SIK2: variants seen among roughly 807,000 people sequenced by gnomAD.
SIK2 encodes serine/threonine-protein kinase SIK2.
In SIK2, 29 loss-of-function variants were observed where a neutral mutation model predicts 103.2. That is an observed-to-expected ratio of 0.28 (90% CI 0.21 to 0.38). SIK2 has a LOEUF of 0.38. Among genes scored for constraint, SIK2 ranks in the 10% least tolerant of loss-of-function variants. The probability of loss-of-function intolerance (pLI) is 1.00; values close to 1 mark genes in which losing one functional copy is unlikely to be tolerated. For missense variants in SIK2, 879 were observed against 1,171.0 expected (o/e 0.75, Z 3.64); for synonymous variants, 412 against 446.1 (o/e 0.92, Z 0.96).
At position 111,723,509 on chromosome 11, in the gene SIK2, C is replaced by A. The variant is rs1565398658; in HGVS notation, c.2161C>A (p.Arg721=). The change falls in exon 15 of 15, where the codon CGA becomes AGA. Residue 721 remains arginine, a synonymous_variant. Transcript: ENST00000304987. ...TTACCAATTTAGGCTCCAGCAGAAGCGACTCTTTCTTCAGAAGCAGTCTCA... is the reference window on the plus strand; with the variant it reads ...TTACCAATTTAGGCTCCAGCAGAAGAGACTCTTTCTTCAGAAGCAGTCTCA... ...QLQEHRLQQK[R]LFLQKQSQLQ... The A allele has an allele frequency of 7.5e-6, 12 of 1,600,674 alleles. No homozygotes were observed. Among genetic ancestry groups the A allele is most frequent in the Non-Finnish European group, 1.0e-5 (12 of 1,171,478 alleles).
chr11:111,640,795 C>T (rs375111251), intron 3 of SIK2, among the ~76,000 whole-genome samples: 12 of 120,462 alleles, frequency 1.0e-4, no homozygotes, highest in African/African-American at 3.1e-4. Flanking sequence ...AGTGCAGTGG[C>T]GCGATCTCAG....
rs1490244048 is a variant in SIK2, at chr11:111,728,015, T to C, written c.*3886T>C. 7 of 152,246 alleles carry C rather than the reference T, an allele frequency of 4.6e-5. No homozygotes were observed. The highest frequency in any genetic ancestry group is 1.7e-4 in the African/African-American group (7 of 41,454). 9.4% of individuals were successfully genotyped at this position (152,246 alleles called of 1,614,324 possible). A position where few individuals can be genotyped will look rare whatever the true frequency, so the allele number is the denominator to read the frequency against. Reference sequence around the variant, plus strand: ...GAAAATTCATACTCCAGGTAACTTTTTCCCATTCGACCTCCTATAGAGACA... The same window carrying C: ...GAAAATTCATACTCCAGGTAACTTTCTCCCATTCGACCTCCTATAGAGACA... On this transcript the variant is annotated 3_prime_UTR_variant, in exon 15 of 15. Transcript: ENST00000304987.
chr11:111,641,873 A>G (rs915215555), intron 3 of SIK2, among the ~76,000 whole-genome samples: 1 of 152,156 alleles, frequency 6.6e-6, no homozygotes, highest in Non-Finnish European at 1.5e-5. Flanking sequence ...CCATTATTTA[A>G]CTGTGTGCAT....
At chr11:111,652,839 T>G (rs1321496878) in intron 3 of SIK2, among the ~76,000 whole-genome samples, 2 of 152,182 alleles carry the variant, frequency 1.3e-5, no homozygotes, top group East Asian at 3.8e-4. Flanking sequence ...AGTGACACAG[T>G]TAATAATTAG....
At chr11:111,654,186 G>C (rs1166831278) in intron 3 of SIK2, among the ~76,000 whole-genome samples, 2 of 152,138 alleles carry the variant, frequency 1.3e-5, no homozygotes, top group East Asian at 3.8e-4. Context: ...CAAAATAAGT[G>C]CATCTGAAGG....
intron 9 of SIK2, among the ~76,000 whole-genome samples, chr11:111,717,861 T>A (rs901690158): frequency 2.6e-5 from 4 of 152,050 alleles, no homozygotes; most frequent in African/African-American, 9.7e-5. Context: ...TGTTCTCACG[T>A]ATAAGTAGGA....
intron 3 of SIK2, among the ~76,000 whole-genome samples, chr11:111,654,280 T>TA (rs1382326284): frequency 5.9e-5 from 9 of 152,242 alleles, no homozygotes; most frequent in South Asian, 2.1e-4. Context: ...CTGTCAGAGT[T>TA]AGAGTATCTA....
chr11:111,693,364 G>A (rs1942996121), intron 4 of SIK2, among the ~76,000 whole-genome samples: 1 of 151,800 alleles, frequency 6.6e-6, no homozygotes, highest in Non-Finnish European at 1.5e-5. Flanking sequence ...ACACTAATGA[G>A]CCATGGATTC....
chr11:111,625,858 C>G (rs1941954510), intron 3 of SIK2, among the ~76,000 whole-genome samples: 1 of 152,144 alleles, frequency 6.6e-6, no homozygotes, highest in African/African-American at 2.4e-5. Context: ...GATTTTTAAG[C>G]CTTTGCCCAT....
At chr11:111,635,098 C>G (rs1942089064) in intron 3 of SIK2, among the ~76,000 whole-genome samples, 1 of 151,920 alleles carries the variant, frequency 6.6e-6, no homozygotes, top group South Asian at 2.1e-4. Flanking sequence ...GACTAGTAAC[C>G]ACATGAAAGA....
At chr11:111,633,059 A>C (rs139252749) in intron 3 of SIK2, among the ~76,000 whole-genome samples, 125 of 152,296 alleles carry the variant, frequency 8.2e-4, no homozygotes, top group Non-Finnish European at 1.4e-3. Context: ...CCCATAGCTA[A>C]GCTAATCTCC....
chr11:111,671,872 C>A, intron 3 of SIK2: 6 of 414,080 alleles, frequency 1.4e-5, no homozygotes, highest in South Asian at 1.2e-4. Flanking sequence ...AGTCCTCAAG[C>A]TGCCCCTGCG....
chr11:111,714,754 C>T (rs780848318), intron 9 of SIK2, among the ~76,000 whole-genome samples: 2 of 152,114 alleles, frequency 1.3e-5, no homozygotes, highest in East Asian at 1.9e-4. Flanking sequence ...CAGCTCAGTG[C>T]GAGGCTGCCA....
chr11:111,701,128 T>C lies in SIK2; in HGVS notation c.603+118T>C, dbSNP rs1435215920. 3 of 1,308,024 alleles carry C rather than the reference T, an allele frequency of 2.3e-6. No individual in the cohort carries two copies. Among genetic ancestry groups the C allele is most frequent in the Non-Finnish European group, 3.1e-6 (3 of 971,918 alleles). The allele number at this position is 1,308,024 out of a possible 1,614,324, so 81.0% of individuals were successfully genotyped here. On this transcript the variant is annotated intron_variant, in intron 5 of 14. Coordinates refer to ENST00000304987, the MANE Select transcript of SIK2 (RefSeq NM_015191.3). The surrounding 1 kb of genome is among the most constrained non-coding windows in gnomAD (Gnocchi z 4.2). ...TAAGCAGTATTTCATATTTTCCCCA[T>C]CCACTGGACTATAATTACTCAGAGC...
chr11:111,610,637 G>A (rs1333430685), intron 1 of SIK2, among the ~76,000 whole-genome samples: 1 of 151,716 alleles, frequency 6.6e-6, no homozygotes, highest in Non-Finnish European at 1.5e-5. Context: ...TACTTTCATA[G>A]TGTTTTTTAA....
intron 8 of SIK2, among the ~76,000 whole-genome samples, chr11:111,710,700 A>C (rs982103567): frequency 6.6e-6 from 1 of 152,220 alleles, no homozygotes; most frequent in Non-Finnish European, 1.5e-5. Flanking sequence ...TCCTGACTTC[A>C]CTGTGAAGTT....
chr11:111,613,375 G>C (rs986991295), intron 1 of SIK2, among the ~76,000 whole-genome samples: 1 of 152,070 alleles, frequency 6.6e-6, no homozygotes, highest in East Asian at 1.9e-4. Context: ...CCTGGGGGCA[G>C]GGGGTGCTGA....
Position 111,726,652 on chromosome 11 carries a change from C to T in SIK2, c.*2523C>T, listed in dbSNP as rs527420623. Reference sequence around the variant, plus strand: ...CAGCCCTGTCTGATCACCTGTGCTGCTCTGTCCCTAACTAGTGACCCATGG... The same window carrying T: ...CAGCCCTGTCTGATCACCTGTGCTGTTCTGTCCCTAACTAGTGACCCATGG... On this transcript the variant is annotated 3_prime_UTR_variant, in exon 15 of 15. Coordinates refer to ENST00000304987, the MANE Select transcript of SIK2 (RefSeq NM_015191.3). 132 of 370,978 alleles carry T rather than the reference C, an allele frequency of 3.6e-4. No individual in the cohort carries two copies. The highest frequency in any genetic ancestry group is 2.3e-3 in the African/African-American group (113 of 49,594). 23.0% of individuals were successfully genotyped at this position (370,978 alleles called of 1,614,324 possible). A position where few individuals can be genotyped will look rare whatever the true frequency, so the allele number is the denominator to read the frequency against.
At chr11:111,635,904 C>T in intron 3 of SIK2, among the ~76,000 whole-genome samples, 1 of 152,216 alleles carries the variant, frequency 6.6e-6, no homozygotes, top group Non-Finnish European at 1.5e-5. Context: ...GAAGCATCAG[C>T]TATTCTGATC....
Sources: allele counts gnomAD v4.1 joint callset (sites outside exome capture counted in the v4.1 genomes callset), GRCh38; gene constraint gnomAD v4.1.1; non-coding constraint Gnocchi (gnomAD v3.1); transcripts MANE v1.5; gene names NCBI Gene and HGNC (gene_info 2026-07-23, HGNC 2026-07-21).